The following TLN2 variants were observed in gnomAD, a reference collection of about 807,000 sequenced individuals.
The protein encoded by TLN2 is talin 2.
Under a neutral mutation model 294.7 loss-of-function variants are expected in TLN2, and 118 were observed. The ratio of observed to expected loss-of-function variants is 0.40; its 90% CI spans 0.34 to 0.47. The LOEUF (loss-of-function observed/expected upper bound fraction) is 0.47, where lower values mean the gene tolerates loss of function less well. Ranked by LOEUF, TLN2 falls within the 20% of genes least tolerant of loss-of-function variation. TLN2 has a pLI of 0.84. For missense variants in TLN2, 3,083 were observed against 3,282.2 expected, an observed-to-expected ratio of 0.94 and a Z score of 1.48; for synonymous variants, 1,431 against 1,304.5, an observed-to-expected ratio of 1.10 and a Z score of -2.09.
chr15:62,686,601 T>C, intron 11 of TLN2, 40 bp from the exon 12 acceptor site: 2 of 1,584,666 alleles, frequency 1.3e-6, no homozygotes, highest in East Asian at 2.3e-5. Context: ...TCAGATGTAT[T>C]CAGAAGAAGA....
chr15:62,478,017 A>G (rs190826061), intron 1 of TLN2, among the ~76,000 whole-genome samples: 1 of 152,100 alleles, frequency 6.6e-6, no homozygotes, highest in Non-Finnish European at 1.5e-5. Flanking sequence ...AGCTAAATTG[A>G]TTCTCGCCCT....
chr15:62,515,954 A>T (rs1054469276), intron 1 of TLN2, among the ~76,000 whole-genome samples: 4 of 152,300 alleles, frequency 2.6e-5, no homozygotes, highest in African/African-American at 7.2e-5. Flanking sequence ...CCCCCTATGC[A>T]ACAAGATCCT....
In TLN2 at chr15:62,458,804, G is replaced by A. The variant is rs1470551922; in HGVS notation, c.-238+68119G>A. Among the ~76,000 whole-genome samples, 5 of 151,832 alleles carry A rather than the reference G, an allele frequency of 3.3e-5. No homozygotes were observed. In the South Asian group the frequency reaches 1.0e-3, roughly 32 times the overall value. On this transcript the variant is annotated intron_variant, in intron 1 of 58. Transcript: ENST00000636159. ...AATAAAAAACTCAAGGATGATGCAG[G>A]GCTTGAGTGCGACTCTCCTTGCATG...
chr15:62,557,388 T>A (rs1257252999), intron 1 of TLN2, among the ~76,000 whole-genome samples: 2 of 152,112 alleles, frequency 1.3e-5, no homozygotes, highest in Non-Finnish European at 2.9e-5. Context: ...GTACCAAATA[T>A]AAAAGAGGAA....
chr15:62,590,537 T>C (rs2045998084), intron 2 of TLN2, among the ~76,000 whole-genome samples: 1 of 152,240 alleles, frequency 6.6e-6, no homozygotes, highest in African/African-American at 2.4e-5. Flanking sequence ...ACGGTGTATA[T>C]GTACCACATT....
chr15:62,451,027 C>T (rs1213676611), intron 1 of TLN2, among the ~76,000 whole-genome samples: 1 of 149,688 alleles, frequency 6.7e-6, no homozygotes, highest in Non-Finnish European at 1.5e-5. Context: ...CCAGGCTGGT[C>T]TTGAACTCCT....
chr15:62,815,196 CA>C (rs2067012135), intron 52 of TLN2, among the ~76,000 whole-genome samples: 1 of 148,598 alleles, frequency 6.7e-6, no homozygotes, highest in African/African-American at 2.5e-5. Flanking sequence ...CACACACACA[CA>C]CACACACACA....
At chr15:62,801,848 G>A (rs2065947287) in intron 50 of TLN2, among the ~76,000 whole-genome samples, 1 of 152,144 alleles carries the variant, frequency 6.6e-6, no homozygotes, top group East Asian at 1.9e-4. Flanking sequence ...CATAGTAGGT[G>A]TATATACTTA....
chr15:62,426,423 G>A (rs1425565128), intron 1 of TLN2, among the ~76,000 whole-genome samples: 2 of 152,212 alleles, frequency 1.3e-5, no homozygotes, highest in African/African-American at 2.4e-5. Flanking sequence ...CTGTACCTCA[G>A]TGCCTTGGTT....
intron 1 of TLN2, among the ~76,000 whole-genome samples, chr15:62,583,011 T>TA (rs1174139534): frequency 2.0e-5 from 3 of 151,866 alleles, no homozygotes; most frequent in African/African-American, 7.3e-5. Context: ...ATTGCCTCCT[T>TA]AAAAAAAAGG....
intron 1 of TLN2, among the ~76,000 whole-genome samples, chr15:62,407,162 A>G (rs2033456537): frequency 6.6e-6 from 1 of 152,058 alleles, no homozygotes; most frequent in Non-Finnish European, 1.5e-5. Context: ...GGAATTCTGC[A>G]CCTGGTGATT....
chr15:62,543,031 A>G (rs2041789331), intron 1 of TLN2, among the ~76,000 whole-genome samples: 1 of 152,182 alleles, frequency 6.6e-6, no homozygotes, highest in African/African-American at 2.4e-5. Context: ...AGCTTCAGAA[A>G]TATAATCAAG....
At chr15:62,481,468 T>C (rs1470771929) in intron 1 of TLN2, among the ~76,000 whole-genome samples, 1 of 152,228 alleles carries the variant, frequency 6.6e-6, no homozygotes. Context: ...GCACAAACGA[T>C]TGTCCTGCCT....
intron 1 of TLN2, among the ~76,000 whole-genome samples, chr15:62,484,256 G>C (rs1020048539): frequency 6.6e-6 from 1 of 152,134 alleles, no homozygotes; most frequent in Non-Finnish European, 1.5e-5. Flanking sequence ...GTCTGCCAAT[G>C]ACTTAGTCAA....
rs1461041973 is a variant in TLN2, at chr15:62,717,649, A to G, written c.2837A>G (p.Lys946Arg). 1.9e-6 allele frequency: 3 copies of G among 1,604,946 alleles called. No individual in the cohort carries two copies. The highest frequency in any genetic ancestry group is 1.3e-5 in the African/African-American group (1 of 74,742). ...TCCCAGAATGCAGCTGTTTCCAACA[A>G]GAACCCTGCGGCCCAGCAGCAGCTG... ...AASQNAAVSN[K>R]NPAAQQQLVQ... is the part of the protein sequence containing the mutation. The change falls in exon 24 of 59, where the codon AAG becomes AGG. Residue 946 changes from lysine to arginine, a missense_variant. Coordinates refer to ENST00000636159, the MANE Select transcript of TLN2 (RefSeq NM_015059.3).
intron 1 of TLN2, among the ~76,000 whole-genome samples, chr15:62,555,435 ATAGAT>A (rs961326927): frequency 2.6e-5 from 4 of 152,218 alleles, no homozygotes; most frequent in African/African-American, 9.6e-5. Flanking sequence ...AGTAAAAGTA[ATAGAT>A]TAGATTGTGT....
In TLN2 at chr15:62,711,306, T is replaced by C. The variant is rs76254901; in HGVS notation, c.2468-605T>C. ...AATAAGACCAAAGAATAATGCAAGA[T>C]CAAAATCAGTGCTGGGCAAAAAAGG... On this transcript the variant is annotated intron_variant, in intron 21 of 58. Transcript: ENST00000636159. 4.1e-4 allele frequency among the ~76,000 whole-genome samples: 62 copies of C among 152,182 alleles called. No homozygotes were observed. In the East Asian group the frequency reaches 0.012, roughly 29 times the overall value.
intron 1 of TLN2, among the ~76,000 whole-genome samples, chr15:62,542,779 C>G (rs2140526506): frequency 6.6e-6 from 1 of 152,194 alleles, no homozygotes; most frequent in South Asian, 2.1e-4. Context: ...CACCATCATG[C>G]TGTCTTCAAC....
chr15:62,771,404 T>C (rs1421054816), intron 42 of TLN2, among the ~76,000 whole-genome samples: 1 of 152,238 alleles, frequency 6.6e-6, no homozygotes. Flanking sequence ...ATTACAGGAA[T>C]GAAAACTGTA....
Sources: gnomAD v4.1 joint callset for allele counts (sites outside exome capture counted in the v4.1 genomes callset) on GRCh38, gnomAD v4.1.1 for gene constraint, MANE v1.5 for transcripts, NCBI Gene and HGNC (gene_info 2026-07-23, HGNC 2026-07-21) for gene names.